Variants in DNAH14 observed in about 807,000 individuals in gnomAD.
DNAH14 encodes the protein dynein axonemal heavy chain 14.
A neutral mutation model predicts 520.9 loss-of-function variants in DNAH14; 478 were observed. That is an observed-to-expected ratio of 0.92 (90% CI 0.85 to 0.99). The LOEUF is 0.99. DNAH14 is among the 50% of genes least tolerant of loss of function. DNAH14 has a pLI of 0.00. For missense variants in DNAH14, 4,831 were observed against 5,234.5 expected (o/e 0.92, Z 2.38); for synonymous variants, 1,581 against 1,757.2 (o/e 0.90, Z 2.51).
rs1384802447 is a variant in DNAH14, at chr1:225,015,047, A to G, written c.1107+7503A>G. Among the ~76,000 whole-genome samples, 4 of 152,152 alleles carry G rather than the reference A, an allele frequency of 2.6e-5. No individual in the cohort carries two copies. In the East Asian group the frequency reaches 7.7e-4, roughly 29 times the overall value. ...GAACTGATTCCTTTATTATTATATA[A>G]TGTCCTCCATGTCTATTATTATAGG... On this transcript the variant is annotated intron_variant, in intron 10 of 85. Coordinates refer to ENST00000682510, the MANE Select transcript of DNAH14 (RefSeq NM_001367479.1).
chr1:225,141,837 A>G (rs1053855706), intron 28 of DNAH14, among the ~76,000 whole-genome samples: 8 of 152,190 alleles, frequency 5.3e-5, no homozygotes, highest in African/African-American at 1.9e-4. Flanking sequence ...ATATGAAAGT[A>G]TAGAAAATTA....
chr1:225,124,335 T>C (rs2077526440), intron 27 of DNAH14, among the ~76,000 whole-genome samples: 1 of 152,214 alleles, frequency 6.6e-6, no homozygotes, highest in South Asian at 2.1e-4. Context: ...CTTTGTAGCG[T>C]GCGATGCTTT....
chr1:225,061,925 A>G (rs927609054), intron 17 of DNAH14, among the ~76,000 whole-genome samples: 1 of 152,246 alleles, frequency 6.6e-6, no homozygotes, highest in Admixed American at 6.5e-5. Context: ...GCCTATGTTC[A>G]AAATCTGTGA....
At chr1:225,169,859 C>T (rs2082418707) in intron 36 of DNAH14, among the ~76,000 whole-genome samples, 1 of 152,166 alleles carries the variant, frequency 6.6e-6, no homozygotes, top group African/African-American at 2.4e-5. Context: ...ATGTTAAGGG[C>T]AGCCAGAGAG....
At chr1:225,378,655 G>C (rs1488971074) in intron 79 of DNAH14, among the ~76,000 whole-genome samples, 7 of 152,064 alleles carry the variant, frequency 4.6e-5, no homozygotes, top group Non-Finnish European at 8.8e-5. Context: ...GGCCGAGGCG[G>C]GTGGGTCACG....
At chr1:224,992,547 G>T (rs1277819628) in intron 8 of DNAH14, among the ~76,000 whole-genome samples, 1 of 152,028 alleles carries the variant, frequency 6.6e-6, no homozygotes, top group East Asian at 1.9e-4. Flanking sequence ...AAGCACTACT[G>T]ATTTTTATGT....
chr1:224,960,325 T>C, intron 4 of DNAH14, 23 bp downstream of exon 4: 1 of 1,520,538 alleles, frequency 6.6e-7, no homozygotes, highest in Non-Finnish European at 8.8e-7. Flanking sequence ...ACTGAACCAA[T>C]TGCTTAGAAA....
At chr1:224,954,155 G>A (rs781664006) in intron 2 of DNAH14, among the ~76,000 whole-genome samples, 3 of 151,870 alleles carry the variant, frequency 2.0e-5, no homozygotes, top group Non-Finnish European at 4.4e-5. Flanking sequence ...TTTAATGAAG[G>A]GGAAAATTTT....
At chr1:225,036,370 C>T (rs936949506) in intron 11 of DNAH14, among the ~76,000 whole-genome samples, 6 of 152,048 alleles carry the variant, frequency 3.9e-5, no homozygotes, top group South Asian at 2.1e-4. Flanking sequence ...CTCCTGACCT[C>T]GTGATCCACC....
intron 41 of DNAH14, among the ~76,000 whole-genome samples, chr1:225,230,356 T>C (rs1374861293): frequency 2.0e-5 from 3 of 152,120 alleles, no homozygotes; most frequent in Non-Finnish European, 2.9e-5. Flanking sequence ...TTTTAAAATA[T>C]TATGTTTTTA....
chr1:225,366,516 T>C (rs909957409), intron 76 of DNAH14, among the ~76,000 whole-genome samples: 8 of 152,162 alleles, frequency 5.3e-5, no homozygotes, highest in Non-Finnish European at 1.2e-4. Context: ...AAAGAATCAG[T>C]CATAGCAGTC....
intron 1 of DNAH14, among the ~76,000 whole-genome samples, chr1:224,946,220 G>A (rs563302958): frequency 5.3e-4 from 81 of 152,238 alleles, no homozygotes; most frequent in African/African-American, 1.7e-3. Context: ...GTCTCACTGC[G>A]GCCTTGCCCT....
intron 77 of DNAH14, among the ~76,000 whole-genome samples, chr1:225,373,108 G>A (rs1258084819): frequency 6.8e-6 from 1 of 146,282 alleles, no homozygotes; most frequent in African/African-American, 2.5e-5. Flanking sequence ...TACAGCCACT[G>A]AACATTGATA....
At chr1:225,323,911 G>A (rs947107830) in intron 62 of DNAH14, among the ~76,000 whole-genome samples, 2 of 152,070 alleles carry the variant, frequency 1.3e-5, no homozygotes, top group African/African-American at 4.8e-5. Context: ...TCACTCCTGG[G>A]TTCAAGTGAT....
intron 36 of DNAH14, among the ~76,000 whole-genome samples, chr1:225,172,323 G>A (rs571493986): frequency 1.7e-4 from 26 of 152,260 alleles, no homozygotes; most frequent in African/African-American, 6.0e-4. Flanking sequence ...AAGTCAAATT[G>A]TCCCTGTTTG....
At chr1:225,076,277 T>C (rs541334871) in intron 17 of DNAH14, among the ~76,000 whole-genome samples, 1 of 152,292 alleles carries the variant, frequency 6.6e-6, no homozygotes, top group Admixed American at 6.5e-5. Flanking sequence ...AGGGTGGGTC[T>C]GGAGGCTCAA....
At position 225,156,776 on chromosome 1, in the gene DNAH14, G is replaced by A. The variant is rs866602592; in HGVS notation, c.5274-2538G>A. On this transcript the variant is annotated intron_variant, in intron 34 of 85. Coordinates refer to ENST00000682510, the MANE Select transcript of DNAH14 (RefSeq NM_001367479.1). ...GTCGCCCAGGCTGGAGTGCAGTGGC[G>A]GGATCTCGGCTCACTGCAAGCTCCG... 2.4e-3 allele frequency among the ~76,000 whole-genome samples: 243 copies of A among 102,298 alleles called. 12 individuals carry two copies. Among genetic ancestry groups the A allele is most frequent in the Non-Finnish European group, 3.5e-3 (182 of 52,554 alleles). The allele number at this position is 102,298 out of a possible 152,430, so 67.1% of individuals were successfully genotyped here.
chr1:225,119,130 G>A (rs1486648812), intron 25 of DNAH14, 90 bp from the exon 26 acceptor site: 1 of 912,154 alleles, frequency 1.1e-6, no homozygotes, highest in Non-Finnish European at 1.6e-6. Context: ...ATTAAAGTAT[G>A]TAGAAAATTT....
At chr1:225,279,562 A>G (rs953371128) in intron 54 of DNAH14, among the ~76,000 whole-genome samples, 1 of 152,234 alleles carries the variant, frequency 6.6e-6, no homozygotes, top group African/African-American at 2.4e-5. Context: ...GTAAAAAAGT[A>G]AAAGAAGAAA....
Sources: gnomAD v4.1 joint callset for allele counts (sites outside exome capture counted in the v4.1 genomes callset) on GRCh38, gnomAD v4.1.1 for gene constraint, MANE v1.5 for transcripts, NCBI Gene and HGNC (gene_info 2026-07-23, HGNC 2026-07-21) for gene names.